The following CARF variants were observed in gnomAD, a reference collection of about 807,000 sequenced individuals.
CARF encodes calcium-responsive transcription factor.
A neutral mutation model predicts 82.0 loss-of-function variants in CARF; 57 were observed. The observed-to-expected ratio is 0.70, with a 90% CI of 0.56 to 0.87. The LOEUF is 0.87. CARF is among the 40% of genes least tolerant of loss of function. CARF has a pLI of 0.00. For synonymous variants in CARF, 268 were observed against 290.1 expected (o/e 0.92, Z 0.77); for missense variants, 771 against 855.8 (o/e 0.90, Z 1.24).
intron 8 of CARF, among the ~76,000 whole-genome samples, chr2:202,960,698 C>CTTCCCACCTTCCCGCCTTCCCGCT (rs2059273938): frequency 6.7e-6 from 1 of 149,366 alleles, no homozygotes; most frequent in Non-Finnish European, 1.5e-5. Flanking sequence ...GCCTTCCTGC[C>CTTCCCACCTTCCCGCCTTCCCGCT]TTCCCACCTT....
chr2:202,980,617 TATATATATATATATATATATATA>T (rs2060214307), intron 14 of CARF, among the ~76,000 whole-genome samples: 1 of 30,644 alleles, frequency 3.3e-5, no homozygotes, highest in Non-Finnish European at 5.3e-5. Context: ...GTCTTTCAAG[TATATATATATATATATATATATA>T]TATATATATA....
chr2:202,957,128 T>C (rs937195736), intron 8 of CARF, among the ~76,000 whole-genome samples: 1 of 152,182 alleles, frequency 6.6e-6, no homozygotes, highest in African/African-American at 2.4e-5. Flanking sequence ...TTAAAGTATC[T>C]TTTTCTTTTT....
chr2:202,960,696 GCCTTCCCA>G (rs1162150086), intron 8 of CARF, among the ~76,000 whole-genome samples: 7 of 150,246 alleles, frequency 4.7e-5, no homozygotes, highest in East Asian at 1.9e-4. Context: ...CTGCCTTCCT[GCCTTCCCA>G]CCTTCCCGCC....
intron 10 of CARF, among the ~76,000 whole-genome samples, chr2:202,967,782 G>A (rs536767030): frequency 6.6e-6 from 1 of 152,278 alleles, no homozygotes; most frequent in Admixed American, 6.5e-5. Context: ...TTTTAAAAAT[G>A]TTGACAAATA....
At chr2:202,975,244 A>G (rs1196472852) in intron 13 of CARF, among the ~76,000 whole-genome samples, 2 of 152,140 alleles carry the variant, frequency 1.3e-5, no homozygotes, top group East Asian at 3.9e-4. Flanking sequence ...TCACAAGGTC[A>G]GAAGATAAAG....
intron 9 of CARF, chr2:202,961,773 C>A (rs1424595849): frequency 2.3e-5 from 8 of 345,142 alleles, no homozygotes; most frequent in Admixed American, 2.2e-4. Context: ...AATATTTTAG[C>A]CTTCTCTCTT....
rs138494336 is a variant in CARF, at chr2:202,944,394, T to G, written c.306+1427T>G. Among the ~76,000 whole-genome samples the G allele has an allele frequency of 9.7e-3, 1,484 of 152,284 alleles. 8 individuals are homozygous for G. Among genetic ancestry groups the G allele is most frequent in the Middle Eastern group, 0.017 (5 of 294 alleles). On this transcript the variant is annotated intron_variant, in intron 5 of 16. Transcript: ENST00000438828. Reference sequence around the variant, plus strand: ...TACTTTCATAATAAAATTAATAATTTTAAAAGCATAATAACTTTAATTATA... The same window carrying G: ...TACTTTCATAATAAAATTAATAATTGTAAAAGCATAATAACTTTAATTATA...
intron 16 of CARF, among the ~76,000 whole-genome samples, chr2:202,982,983 T>C (rs1036726246): frequency 1.3e-5 from 2 of 152,130 alleles, no homozygotes; most frequent in African/African-American, 4.8e-5. Flanking sequence ...CCTCCTTGGT[T>C]CAAGCGATCT....
intron 5 of CARF, among the ~76,000 whole-genome samples, chr2:202,946,278 A>G (rs2058493429): frequency 6.6e-6 from 1 of 152,242 alleles, no homozygotes; most frequent in African/African-American, 2.4e-5. Context: ...CCCAAACAGC[A>G]TGGTACTGGT....
At chr2:202,923,856 A>G (rs1691306850) in intron 2 of CARF, among the ~76,000 whole-genome samples, 1 of 152,220 alleles carries the variant, frequency 6.6e-6, no homozygotes, top group East Asian at 1.9e-4. Context: ...GACAAAGCAA[A>G]CAAAACCTTC....
At chr2:202,946,486 A>C (rs1172464531) in intron 5 of CARF, among the ~76,000 whole-genome samples, 1 of 152,320 alleles carries the variant, frequency 6.6e-6, no homozygotes, top group East Asian at 1.9e-4. Flanking sequence ...TACACCTTAT[A>C]CAAAAAATTA....
intron 8 of CARF, among the ~76,000 whole-genome samples, chr2:202,957,688 C>T (rs2059115939): frequency 6.6e-6 from 1 of 152,090 alleles, no homozygotes; most frequent in Non-Finnish European, 1.5e-5. Context: ...GGTGCGGTGG[C>T]TCACTCCTCT....
intron 3 of CARF, among the ~76,000 whole-genome samples, chr2:202,930,019 A>G (rs1692590078): frequency 6.6e-6 from 1 of 151,722 alleles, no homozygotes. Flanking sequence ...GTGTTCTCCA[A>G]TTTATTTCAT....
intron 15 of CARF, 99 bp downstream of exon 15, chr2:202,981,784 A>G: frequency 9.0e-7 from 1 of 1,108,324 alleles, no homozygotes; most frequent in Non-Finnish European, 1.3e-6. Context: ...TTACAGAATT[A>G]TAATAATGAT....
chr2:202,955,791 T>C (rs766825107), intron 8 of CARF, 33 bp downstream of exon 8: 2 of 1,530,948 alleles, frequency 1.3e-6, no homozygotes, highest in Non-Finnish European at 1.8e-6. Flanking sequence ...CTAGAATTAC[T>C]TAACTGATTA....
At chr2:202,947,243 T>C (rs2058541813) in intron 5 of CARF, among the ~76,000 whole-genome samples, 2 of 152,138 alleles carry the variant, frequency 1.3e-5, no homozygotes, top group Non-Finnish European at 2.9e-5. Context: ...CCATCAATGA[T>C]AGACTGGATA....
chr2:202,939,597 T>C (rs532271688), intron 3 of CARF, among the ~76,000 whole-genome samples: 12 of 152,220 alleles, frequency 7.9e-5, no homozygotes, highest in African/African-American at 2.9e-4. Context: ...TGTGATACAG[T>C]CTAGATAATT....
At chr2:202,926,187 C>T (rs1691782933) in intron 3 of CARF, among the ~76,000 whole-genome samples, 1 of 152,176 alleles carries the variant, frequency 6.6e-6, no homozygotes. Flanking sequence ...GCATAGGGAA[C>T]AGGAGACCAC....
At chr2:202,954,619 A>C (rs988034373) in intron 7 of CARF, among the ~76,000 whole-genome samples, 2 of 151,552 alleles carry the variant, frequency 1.3e-5, no homozygotes, top group African/African-American at 4.9e-5. Context: ...AGGCTGAGGC[A>C]GAGAATTGCT....
Sources: gnomAD v4.1 joint callset for allele counts (sites outside exome capture counted in the v4.1 genomes callset) on GRCh38, gnomAD v4.1.1 for gene constraint, MANE v1.5 for transcripts, NCBI Gene and HGNC (gene_info 2026-07-23, HGNC 2026-07-21) for gene names.